The following MALRD1 variants were observed in gnomAD, a reference collection of about 807,000 sequenced individuals.
The protein encoded by MALRD1 is MAM and LDL-receptor class A domain-containing protein 1.
A neutral mutation model predicts 242.1 loss-of-function variants in MALRD1; 247 were observed. The observed-to-expected ratio is 1.02, with a 90% CI of 0.92 to 1.13. The LOEUF is 1.13. Among genes scored for constraint, MALRD1 ranks in the 50% most tolerant of loss-of-function variants. The pLI is 0.00. For missense variants in MALRD1, 2,989 were observed against 2,533.1 expected (o/e 1.18, Z -3.86); for synonymous variants, 995 against 866.6 (o/e 1.15, Z -2.60).
intron 21 of MALRD1, among the ~76,000 whole-genome samples, chr10:19,323,210 A>G (rs1372659763): frequency 2.6e-5 from 4 of 152,306 alleles, no homozygotes; most frequent in Non-Finnish European, 4.4e-5. Context: ...TTTGAGACTG[A>G]TAAGTTGAAG....
intron 32 of MALRD1, among the ~76,000 whole-genome samples, chr10:19,561,976 A>C (rs906601106): frequency 6.6e-6 from 1 of 152,130 alleles, no homozygotes; most frequent in African/African-American, 2.4e-5. Context: ...CCAGAAACAG[A>C]AGGGAATGTT....
At chr10:19,388,985 A>G (rs1179262004) in intron 27 of MALRD1, among the ~76,000 whole-genome samples, 1 of 152,044 alleles carries the variant, frequency 6.6e-6, no homozygotes, top group Non-Finnish European at 1.5e-5. Flanking sequence ...TGGATATGTC[A>G]ATGTGCAAGA....
chr10:19,559,155 C>A (rs1316368683), intron 32 of MALRD1, among the ~76,000 whole-genome samples: 1 of 151,798 alleles, frequency 6.6e-6, no homozygotes, highest in Non-Finnish European at 1.5e-5. Context: ...TGCACTCCAG[C>A]CTGGGTGACA....
chr10:19,495,520 G>A (rs1837674577), intron 30 of MALRD1, among the ~76,000 whole-genome samples: 1 of 150,418 alleles, frequency 6.6e-6, no homozygotes, highest in Admixed American at 6.6e-5. Context: ...AAATGAAGGA[G>A]AAATAACATC....
At chr10:19,190,745 A>G (rs564048175) in intron 14 of MALRD1, among the ~76,000 whole-genome samples, 10 of 151,944 alleles carry the variant, frequency 6.6e-5, no homozygotes, top group Non-Finnish European at 7.4e-5. Flanking sequence ...GGAAAACTAG[A>G]TATCAACTTG....
At chr10:19,595,002 G>A (rs1472241864) in intron 33 of MALRD1, among the ~76,000 whole-genome samples, 192 bp from the exon 34 acceptor site, 1 of 152,032 alleles carries the variant, frequency 6.6e-6, no homozygotes, top group Non-Finnish European at 1.5e-5. Context: ...AATTTTTTAT[G>A]TTCCTGACAT....
intron 30 of MALRD1, among the ~76,000 whole-genome samples, chr10:19,498,261 C>T (rs1340414879): frequency 2.6e-5 from 4 of 152,082 alleles, no homozygotes; most frequent in South Asian, 2.1e-4. Context: ...AAATATTATT[C>T]GTCAATGCAT....
chr10:19,163,322 A>C (rs1344069564), intron 12 of MALRD1, among the ~76,000 whole-genome samples: 4 of 151,984 alleles, frequency 2.6e-5, no homozygotes, highest in Non-Finnish European at 5.9e-5. Flanking sequence ...ATGCAGCCAT[A>C]AAAAAAGAAC....
rs148086758 is a variant in MALRD1, at chr10:19,456,750, CATTTATTTATTT to C, written c.5029+6289_5029+6300del. ...GCCCTAATGAAATAATTAAAAGTGA[CATTTATTTATTT>C]ATTTATTTATTTATTTATTTATTTA... On this transcript the variant is annotated intron_variant, in intron 29 of 39. Transcript: ENST00000454679. Among the ~76,000 whole-genome samples, 913 of 141,622 alleles carry C rather than the reference CATTTATTTATTT, an allele frequency of 6.4e-3. 8 individuals are homozygous for C. Among genetic ancestry groups the C allele is most frequent in the African/African-American group, 0.021 (810 of 38,042 alleles). 92.9% of individuals were successfully genotyped at this position (141,622 alleles called of 152,430 possible). A position where few individuals can be genotyped will look rare whatever the true frequency, so the allele number is the denominator to read the frequency against.
In MALRD1 at chr10:19,191,608, T is replaced by A. The variant is rs184370702; in HGVS notation, c.1952-12120T>A. On this transcript the variant is annotated intron_variant, in intron 14 of 39. Transcript: ENST00000454679. ...AGTAACCCAATTATTCATTGACTGA[T>A]GAGTGGATCAGAAAAATGTGGTGAA... 4.9e-4 allele frequency among the ~76,000 whole-genome samples: 74 copies of A among 152,306 alleles called. 1 individual carries two copies. In the South Asian group the frequency reaches 0.011, roughly 23 times the overall value.
At chr10:19,400,910 G>A (rs551513161) in intron 28 of MALRD1, among the ~76,000 whole-genome samples, 1 of 152,204 alleles carries the variant, frequency 6.6e-6, no homozygotes, top group Non-Finnish European at 1.5e-5. Context: ...TAATTACTCG[G>A]GAGGCTGAGG....
chr10:19,387,950 T>G (rs2130808381), intron 27 of MALRD1, among the ~76,000 whole-genome samples, 177 bp downstream of exon 27: 1 of 152,050 alleles, frequency 6.6e-6, no homozygotes, highest in African/African-American at 2.4e-5. Flanking sequence ...GGCCACAGAG[T>G]GGATGACTTA....
chr10:19,649,755 C>G (rs1840788672), intron 36 of MALRD1, among the ~76,000 whole-genome samples: 1 of 151,942 alleles, frequency 6.6e-6, no homozygotes, highest in Admixed American at 6.6e-5. Context: ...CAATTTTTGC[C>G]TTTGTTGTGA....
intron 26 of MALRD1, among the ~76,000 whole-genome samples, chr10:19,363,504 G>A (rs1042701671): frequency 3.9e-5 from 6 of 152,150 alleles, no homozygotes; most frequent in South Asian, 2.1e-4. Context: ...GTGCAAGGCA[G>A]TGGTGAATTT....
chr10:19,141,204 A>C (rs985829067), intron 10 of MALRD1, among the ~76,000 whole-genome samples: 1 of 152,248 alleles, frequency 6.6e-6, no homozygotes, highest in African/African-American at 2.4e-5. Flanking sequence ...CAGTTTATAC[A>C]TGAAATAGAT....
At chr10:19,482,183 C>A (rs1037814242) in intron 29 of MALRD1, among the ~76,000 whole-genome samples, 5 of 152,010 alleles carry the variant, frequency 3.3e-5, no homozygotes, top group African/African-American at 1.2e-4. Context: ...TCTTGGTCTA[C>A]ATATTTGCAC....
chr10:19,226,180 G>A (rs1188659760), intron 18 of MALRD1, among the ~76,000 whole-genome samples: 4 of 152,144 alleles, frequency 2.6e-5, no homozygotes, highest in Admixed American at 2.6e-4. Context: ...TTTATCTCAA[G>A]TTGGTTTCAA....
intron 32 of MALRD1, among the ~76,000 whole-genome samples, chr10:19,548,916 A>G (rs536314541): frequency 6.6e-6 from 1 of 152,330 alleles, no homozygotes; most frequent in African/African-American, 2.4e-5. Flanking sequence ...GCTGAAAGCT[A>G]GACGTCTTGC....
intron 28 of MALRD1, among the ~76,000 whole-genome samples, chr10:19,424,586 C>A (rs372528350): frequency 6.6e-6 from 1 of 152,146 alleles, no homozygotes; most frequent in Non-Finnish European, 1.5e-5. Flanking sequence ...AGAGATATTT[C>A]AAAAATCAGA....
Sources: gnomAD v4.1 joint callset for allele counts (sites outside exome capture counted in the v4.1 genomes callset) on GRCh38, gnomAD v4.1.1 for gene constraint, MANE v1.5 for transcripts, NCBI Gene and HGNC (gene_info 2026-07-23, HGNC 2026-07-21) for gene names.